GALNT17: variants seen among roughly 807,000 people sequenced by gnomAD.
GALNT17 encodes the protein polypeptide N-acetylgalactosaminyltransferase 17.
A neutral mutation model predicts 63.7 loss-of-function variants in GALNT17; 29 were observed. That is an observed-to-expected ratio of 0.46 (90% CI 0.34 to 0.62). The LOEUF is 0.62. Ranked by LOEUF, GALNT17 falls within the 20% of genes least tolerant of loss-of-function variation. The pLI is 0.01. For synonymous variants in GALNT17, 305 were observed against 318.3 expected (o/e 0.96, Z 0.45); for missense variants, 603 against 799.6 (o/e 0.75, Z 2.97).
intron 1 of GALNT17, among the ~76,000 whole-genome samples, chr7:71,239,862 A>G (rs556297168): frequency 1.3e-5 from 2 of 152,240 alleles, no homozygotes; most frequent in South Asian, 2.1e-4. Flanking sequence ...TGAGTTTTAC[A>G]TTGTTATTCT....
At chr7:71,683,496 T>C (rs978829253) in intron 9 of GALNT17, among the ~76,000 whole-genome samples, 2 of 152,202 alleles carry the variant, frequency 1.3e-5, no homozygotes, top group African/African-American at 4.8e-5. Flanking sequence ...ATGGACTCTA[T>C]GTTGTAATTT....
intron 6 of GALNT17, among the ~76,000 whole-genome samples, chr7:71,585,359 A>G (rs1409291435): frequency 1.3e-5 from 2 of 152,120 alleles, no homozygotes; most frequent in Admixed American, 6.6e-5. Flanking sequence ...CACTGCCTAC[A>G]CCCATTAATT....
At chr7:71,609,920 T>C (rs1014176029) in intron 6 of GALNT17, among the ~76,000 whole-genome samples, 1 of 152,132 alleles carries the variant, frequency 6.6e-6, no homozygotes, top group Non-Finnish European at 1.5e-5. Context: ...TCGATAAATA[T>C]TTATTCATCA....
chr7:71,652,998 G>A (rs1480430157), intron 6 of GALNT17, among the ~76,000 whole-genome samples: 1 of 47,412 alleles, frequency 2.1e-5, no homozygotes, highest in Non-Finnish European at 6.5e-5. Context: ...AAGGGTTTTT[G>A]TTTGTTTGTT....
chr7:71,257,249 T>C (rs1228351989), intron 1 of GALNT17, among the ~76,000 whole-genome samples: 1 of 152,188 alleles, frequency 6.6e-6, no homozygotes, highest in Non-Finnish European at 1.5e-5. Context: ...ACGAGTTGTC[T>C]TATTATTCTT....
chr7:71,250,703 CT>C (rs1790182284), intron 1 of GALNT17, among the ~76,000 whole-genome samples: 1 of 152,186 alleles, frequency 6.6e-6, no homozygotes, highest in South Asian at 2.1e-4. Flanking sequence ...ACTGCAATTA[CT>C]TTTGCACCAA....
chr7:71,141,782 TCCTCCTGCCTCAG>T (rs1199441276), intron 1 of GALNT17, among the ~76,000 whole-genome samples: 3 of 150,926 alleles, frequency 2.0e-5, no homozygotes, highest in Admixed American at 6.6e-5. Context: ...GTTCAAGTGA[TCCTCCTGCCTCAG>T]CCTGCTTGGT....
chr7:71,148,482 A>G (rs1694093047), intron 1 of GALNT17, among the ~76,000 whole-genome samples: 1 of 152,346 alleles, frequency 6.6e-6, no homozygotes, highest in Non-Finnish European at 1.5e-5. Context: ...GTTGCTTTCC[A>G]GAGAAAATAA....
chr7:71,523,797 A>G (rs1188337239), intron 5 of GALNT17, among the ~76,000 whole-genome samples: 2 of 151,276 alleles, frequency 1.3e-5, no homozygotes, highest in East Asian at 3.9e-4. Context: ...TAAAGAAAAG[A>G]AAGAAATACA....
At chr7:71,251,156 A>G (rs1211890898) in intron 1 of GALNT17, among the ~76,000 whole-genome samples, 5 of 142,666 alleles carry the variant, frequency 3.5e-5, no homozygotes, top group African/African-American at 1.3e-4. Context: ...TCCTAATGCT[A>G]TCCCTCCCCC....
intron 5 of GALNT17, among the ~76,000 whole-genome samples, chr7:71,517,052 G>A (rs966503346): frequency 4.6e-5 from 7 of 152,136 alleles, no homozygotes; most frequent in African/African-American, 1.7e-4. Flanking sequence ...CTCCTTTACA[G>A]TAATGTGGGG....
intron 5 of GALNT17, among the ~76,000 whole-genome samples, chr7:71,547,682 T>C (rs182789618): frequency 2.5e-4 from 38 of 152,230 alleles, no homozygotes; most frequent in Non-Finnish European, 2.9e-4. Flanking sequence ...ACTATTTTCA[T>C]TGATAATGAA....
chr7:71,606,549 T>A (rs958970448), intron 6 of GALNT17, among the ~76,000 whole-genome samples: 2 of 152,220 alleles, frequency 1.3e-5, no homozygotes. Context: ...TCTTCACATA[T>A]GTCAAGGTTC....
chr7:71,397,753 A>G (rs1793164106), intron 3 of GALNT17, among the ~76,000 whole-genome samples: 1 of 151,990 alleles, frequency 6.6e-6, no homozygotes, highest in African/African-American at 2.4e-5. Context: ...CTCTTGGTTT[A>G]TGTTCTTATT....
At chr7:71,709,589 T>TTTTG (rs111897609) in intron 9 of GALNT17, among the ~76,000 whole-genome samples, 1 of 150,584 alleles carries the variant, frequency 6.6e-6, no homozygotes, top group African/African-American at 2.4e-5. Flanking sequence ...TTTTTTTTTT[T>TTTTG]GTTTTTTTGG....
chr7:71,388,449 A>C, intron 3 of GALNT17, 48 bp downstream of exon 3: 11 of 1,575,722 alleles, frequency 7.0e-6, no homozygotes, highest in Non-Finnish European at 9.5e-6. Context: ...CAGCAGGGGG[A>C]AATGCCACTT....
At chr7:71,257,569 G>A (rs919251036) in intron 1 of GALNT17, among the ~76,000 whole-genome samples, 7 of 152,172 alleles carry the variant, frequency 4.6e-5, no homozygotes, top group Admixed American at 6.5e-5. Context: ...GAAGGTTTCC[G>A]CACTATCCTT....
At chr7:71,481,604 GA>G (rs1787818833) in intron 5 of GALNT17, among the ~76,000 whole-genome samples, 1 of 152,118 alleles carries the variant, frequency 6.6e-6, no homozygotes, top group Non-Finnish European at 1.5e-5. Flanking sequence ...GGTGCAGGGG[GA>G]AACAGCAGCC....
intron 6 of GALNT17, among the ~76,000 whole-genome samples, chr7:71,662,318 T>TTATCTATCTATCTATCTATCTATCTATC (rs35082867): frequency 4.0e-5 from 6 of 150,942 alleles, no homozygotes; most frequent in Admixed American, 4.0e-4. Context: ...ATCTCTCTGT[T>TTATCTATCTATCTATCTATCTATCTATC]TATCTATCTA....
Sources: allele counts gnomAD v4.1 joint callset (sites outside exome capture counted in the v4.1 genomes callset), GRCh38; gene constraint gnomAD v4.1.1; transcripts MANE v1.5; gene names NCBI Gene and HGNC (gene_info 2026-07-23, HGNC 2026-07-21).